The following CSMD1 variants were observed in gnomAD, a reference collection of about 807,000 sequenced individuals.
CSMD1 encodes the protein CUB and Sushi multiple domains 1.
CSMD1 carries 213 observed loss-of-function variants against 417.5 expected under a neutral mutation model. That is an observed-to-expected ratio of 0.51 (90% CI 0.46 to 0.57). The LOEUF is 0.57. Among genes scored for constraint, CSMD1 ranks in the 20% least tolerant of loss-of-function variants. The probability of loss-of-function intolerance (pLI) is 0.00; values close to 1 mark genes in which losing one functional copy is unlikely to be tolerated. For synonymous variants in CSMD1, 2,862 were observed against 1,736.8 expected, an observed-to-expected ratio of 1.65 and a Z score of -16.11; for missense variants, 6,923 against 4,529.7, an observed-to-expected ratio of 1.53 and a Z score of -15.17.
At chr8:4,371,359 G>C (rs1400749557) in intron 3 of CSMD1, among the ~76,000 whole-genome samples, 1 of 152,070 alleles carries the variant, frequency 6.6e-6, no homozygotes, top group Non-Finnish European at 1.5e-5. Context: ...GCAGGGTTTT[G>C]AGAGAAACTT....
chr8:3,313,748 G>C (rs972505941), intron 23 of CSMD1, among the ~76,000 whole-genome samples: 17 of 152,132 alleles, frequency 1.1e-4, no homozygotes, highest in Non-Finnish European at 2.5e-4. Flanking sequence ...AATACCATTT[G>C]ACCCAGCCAT....
At chr8:3,698,635 C>T (rs1450395229) in intron 7 of CSMD1, among the ~76,000 whole-genome samples, 1 of 152,118 alleles carries the variant, frequency 6.6e-6, no homozygotes, top group Non-Finnish European at 1.5e-5. Context: ...AAAAGCAAGA[C>T]CTGATGATGA....
At chr8:3,527,324 C>A (rs1402962516) in intron 10 of CSMD1, among the ~76,000 whole-genome samples, 1 of 152,140 alleles carries the variant, frequency 6.6e-6, no homozygotes. Flanking sequence ...TTTTTAAAGG[C>A]ACTCGTGCCC....
At chr8:4,224,104 G>T (rs1467729577) in intron 3 of CSMD1, among the ~76,000 whole-genome samples, 3 of 152,082 alleles carry the variant, frequency 2.0e-5, no homozygotes, top group African/African-American at 7.2e-5. Flanking sequence ...ATTTTGCCAG[G>T]CTAAGAGTAA....
At chr8:4,405,420 C>G (rs1210941232) in intron 3 of CSMD1, among the ~76,000 whole-genome samples, 2 of 151,900 alleles carry the variant, frequency 1.3e-5, no homozygotes, top group Non-Finnish European at 2.9e-5. Flanking sequence ...GTTTCTTAAC[C>G]TCAGTTGTCA....
At chr8:4,474,409 G>C (rs1461298856) in intron 2 of CSMD1, among the ~76,000 whole-genome samples, 3 of 152,200 alleles carry the variant, frequency 2.0e-5, no homozygotes, top group Non-Finnish European at 4.4e-5. Context: ...ATTGGTCTAA[G>C]AAAGGCAGAG....
At chr8:4,047,518 G>GTCAT (rs146701323) in intron 3 of CSMD1, among the ~76,000 whole-genome samples, 166 of 41,086 alleles carry the variant, frequency 4.0e-3, no homozygotes, top group Middle Eastern at 0.026. Flanking sequence ...ATTGTGATAT[G>GTCAT]TCATTCATTC....
intron 5 of CSMD1, among the ~76,000 whole-genome samples, chr8:3,837,333 C>T (rs767385577): frequency 2.0e-5 from 3 of 152,110 alleles, no homozygotes; most frequent in Non-Finnish European, 2.9e-5. Flanking sequence ...TTCATTTCTA[C>T]ATCAGAGCCC....
intron 1 of CSMD1, among the ~76,000 whole-genome samples, chr8:4,684,963 C>T (rs1251231165): frequency 6.6e-6 from 1 of 152,012 alleles, no homozygotes. Context: ...AAATGGAAGC[C>T]TATTTTAATG....
chr8:4,570,833 C>G (rs1369380887), intron 2 of CSMD1, among the ~76,000 whole-genome samples: 2 of 152,088 alleles, frequency 1.3e-5, no homozygotes, highest in Non-Finnish European at 1.5e-5. Context: ...TGTTATTGGT[C>G]TATTTCGGGA....
At chr8:3,695,554 A>G (rs1800504573) in intron 7 of CSMD1, among the ~76,000 whole-genome samples, 1 of 152,164 alleles carries the variant, frequency 6.6e-6, no homozygotes, top group South Asian at 2.1e-4. Context: ...ATTGCTTTCC[A>G]CCAAATAAAA....
At chr8:3,763,617 T>A (rs377358974) in intron 5 of CSMD1, among the ~76,000 whole-genome samples, 99 of 152,250 alleles carry the variant, frequency 6.5e-4, no homozygotes, top group African/African-American at 2.3e-3. Flanking sequence ...AACCTCTGTT[T>A]TAAAAATAAA....
At chr8:4,747,203 G>T (rs955823493) in intron 1 of CSMD1, among the ~76,000 whole-genome samples, 2 of 152,166 alleles carry the variant, frequency 1.3e-5, no homozygotes, top group African/African-American at 4.8e-5. Context: ...GTCTCTTGGA[G>T]AATTTCTACC....
chr8:3,472,898 T>C (rs899508660), intron 11 of CSMD1, among the ~76,000 whole-genome samples: 6 of 152,048 alleles, frequency 3.9e-5, no homozygotes, highest in Admixed American at 2.6e-4. Context: ...GGGGAGTTTA[T>C]TTTCCTCGTA....
intron 37 of CSMD1, among the ~76,000 whole-genome samples, chr8:3,180,327 G>A (rs1417264066): frequency 6.6e-6 from 1 of 152,144 alleles, no homozygotes; most frequent in Non-Finnish European, 1.5e-5. Context: ...CAATTAAAAT[G>A]AATAACACAC....
chr8:3,149,160 G>A (rs575996712), intron 40 of CSMD1, among the ~76,000 whole-genome samples: 1 of 152,138 alleles, frequency 6.6e-6, no homozygotes, highest in Non-Finnish European at 1.5e-5. Context: ...TTTCATTGAA[G>A]TTTTTTCCCA....
At chr8:4,675,960 G>T (rs1805657359) in intron 1 of CSMD1, among the ~76,000 whole-genome samples, 1 of 152,158 alleles carries the variant, frequency 6.6e-6, no homozygotes, top group Non-Finnish European at 1.5e-5. Flanking sequence ...TTATGGATGT[G>T]TCTGCCTTTT....
chr8:4,126,886 C>G (rs1271718730), intron 3 of CSMD1, among the ~76,000 whole-genome samples: 1 of 152,090 alleles, frequency 6.6e-6, no homozygotes, highest in African/African-American at 2.4e-5. Flanking sequence ...CATCTGTCTC[C>G]TGGGAATGGG....
rs1305255279 is a variant in CSMD1, at chr8:3,190,002, C to T, written c.5308G>A (p.Gly1770Arg). 6.3e-7 allele frequency: 1 copy of T among 1,598,742 alleles called. No homozygotes were observed. Among genetic ancestry groups the T allele is most frequent in the African/African-American group, 1.3e-5 (1 of 74,718 alleles). Residue 1770 changes from glycine (G) to arginine (R), a missense_variant, in exon 34 of 70, where the codon GGA (glycine) becomes AGA (arginine). Coordinates refer to ENST00000635120, the MANE Select transcript of CSMD1 (RefSeq NM_033225.6). ...GCCGTGGAACCCTGAAGCAGGTATC[C>T]CGGGTTGCACTCGAATCGGACGATG... is the stretch of plus-strand genomic sequence containing the variant. The part of the protein sequence containing the change: ...GSIVRFECNP[G>R]YLLQGSTALH...
Sources: gnomAD v4.1 joint callset for allele counts (sites outside exome capture counted in the v4.1 genomes callset) on GRCh38, gnomAD v4.1.1 for gene constraint, MANE v1.5 for transcripts, NCBI Gene and HGNC (gene_info 2026-07-23, HGNC 2026-07-21) for gene names.